PLPP4: variants seen among roughly 807,000 people sequenced by gnomAD.
PLPP4 encodes diacylglycerol pyrophosphate like 2.
A neutral mutation model predicts 32.2 loss-of-function variants in PLPP4; 20 were observed. The ratio of observed to expected loss-of-function variants is 0.62; its 90% CI spans 0.44 to 0.90. The LOEUF (loss-of-function observed/expected upper bound fraction) is 0.90, where lower values mean the gene tolerates loss of function less well. Ranked by LOEUF, PLPP4 falls within the 40% of genes least tolerant of loss-of-function variation. The probability of loss-of-function intolerance (pLI) is 0.00; values close to 1 mark genes in which losing one functional copy is unlikely to be tolerated. For synonymous variants in PLPP4, 127 were observed against 133.0 expected, an observed-to-expected ratio of 0.95 and a Z score of 0.31; for missense variants, 257 against 353.1, an observed-to-expected ratio of 0.73 and a Z score of 2.18.
At chr10:120,538,993 G>A (rs1302395644) in intron 5 of PLPP4, among the ~76,000 whole-genome samples, 2 of 152,206 alleles carry the variant, frequency 1.3e-5, no homozygotes, top group Non-Finnish European at 2.9e-5. Context: ...AGACTCCACA[G>A]GAGATATTGC....
intron 2 of PLPP4, among the ~76,000 whole-genome samples, chr10:120,506,107 A>C (rs1304164049): frequency 6.6e-6 from 1 of 152,232 alleles, no homozygotes; most frequent in Non-Finnish European, 1.5e-5. Flanking sequence ...TAGTCAGTAG[A>C]GGGCTTATTC....
Position 120,589,382 on chromosome 10 carries a change from A to G in PLPP4, c.696A>G (p.Thr232=), listed in dbSNP as rs1237097156. The change falls in exon 7 of 7, where the codon ACA becomes ACG. Residue 232 remains threonine (T), a synonymous_variant. Transcript: ENST00000398250. ...YRQHYPPLAN[T]ACHKPYVSLR... Reference sequence around the variant, plus strand: ...AGCACTATCCTCCTCTGGCCAACACAGCTTGCCATAAACCCTACGTTAGTC... The same window carrying G: ...AGCACTATCCTCCTCTGGCCAACACGGCTTGCCATAAACCCTACGTTAGTC... 1 of 1,614,122 alleles carries G rather than the reference A, an allele frequency of 6.2e-7. No homozygotes were observed. The highest frequency in any genetic ancestry group is 1.3e-5 in the African/African-American group (1 of 75,020).
At chr10:120,479,502 C>T (rs1226035922) in intron 1 of PLPP4, among the ~76,000 whole-genome samples, 1 of 152,140 alleles carries the variant, frequency 6.6e-6, no homozygotes, top group Non-Finnish European at 1.5e-5. Flanking sequence ...TGAAATGATG[C>T]TGTCCGTTAT....
rs545056609 is a variant in PLPP4 at position 120,510,341 on chromosome 10, T to C, written c.166-3570T>C. On this transcript the variant is annotated intron_variant, in intron 2 of 6. Transcript: ENST00000398250. ...TAATAAGCTCTGACCACTCCCCATC[T>C]TCCTACCCTGGGCTCATCCTAGGAT... Among the ~76,000 whole-genome samples, 11 of 152,292 alleles carry C rather than the reference T, an allele frequency of 7.2e-5. No homozygotes were observed. In the South Asian group the frequency reaches 2.1e-3, roughly 29 times the overall value.
chr10:120,521,732 C>T (rs1846165022), intron 5 of PLPP4, among the ~76,000 whole-genome samples: 1 of 152,164 alleles, frequency 6.6e-6, no homozygotes, highest in Non-Finnish European at 1.5e-5. Context: ...TGCTGTGTAA[C>T]ATGGGAATAA....
chr10:120,553,314 A>G (rs1847993723), intron 5 of PLPP4, among the ~76,000 whole-genome samples: 1 of 152,194 alleles, frequency 6.6e-6, no homozygotes, highest in Non-Finnish European at 1.5e-5. Context: ...ATAGGGCCTA[A>G]TGATAGGTCA....
intron 1 of PLPP4, among the ~76,000 whole-genome samples, chr10:120,473,699 C>A (rs1843765206): frequency 6.6e-6 from 1 of 152,056 alleles, no homozygotes; most frequent in African/African-American, 2.4e-5. Flanking sequence ...GTGAGACTTC[C>A]CCCTCGTTAT....
chr10:120,533,694 A>G (rs1289275123), intron 5 of PLPP4, among the ~76,000 whole-genome samples: 1 of 152,126 alleles, frequency 6.6e-6, no homozygotes, highest in Admixed American at 6.5e-5. Context: ...CAAACCCAAT[A>G]ATATGTTGTT....
intron 5 of PLPP4, among the ~76,000 whole-genome samples, chr10:120,552,067 A>C (rs1173918393): frequency 6.6e-6 from 1 of 151,984 alleles, no homozygotes; most frequent in African/African-American, 2.4e-5. Flanking sequence ...GCAGGAACTG[A>C]GTAAATATCT....
At chr10:120,510,352 G>A (rs1845675580) in intron 2 of PLPP4, among the ~76,000 whole-genome samples, 1 of 151,934 alleles carries the variant, frequency 6.6e-6, no homozygotes, top group Admixed American at 6.6e-5. Flanking sequence ...TCCTACCCTG[G>A]GCTCATCCTA....
At chr10:120,533,614 T>G (rs528612000) in intron 5 of PLPP4, among the ~76,000 whole-genome samples, 2 of 152,282 alleles carry the variant, frequency 1.3e-5, no homozygotes, top group South Asian at 4.1e-4. Flanking sequence ...ACATTTTTCC[T>G]ATATAGCTCT....
At position 120,465,524 on chromosome 10, in the gene PLPP4, G is replaced by A. The variant is rs541841296; in HGVS notation, c.56+8163G>A. Among the ~76,000 whole-genome samples, 17 of 152,314 alleles carry A rather than the reference G, an allele frequency of 1.1e-4. No individual in the cohort carries two copies. In the South Asian group the frequency reaches 3.5e-3, roughly 32 times the overall value. On this transcript the variant is annotated intron_variant, in intron 1 of 6. Coordinates refer to ENST00000398250, the MANE Select transcript of PLPP4 (RefSeq NM_001030059.3). ...AGAGGAGGCAGGAGCATTTAGGTTG[G>A]TTTCTAGAAAGGTAGCAGTCTGCCA...
chr10:120,539,792 T>A (rs1302218677), intron 5 of PLPP4, among the ~76,000 whole-genome samples: 1 of 152,302 alleles, frequency 6.6e-6, no homozygotes, highest in East Asian at 1.9e-4. Context: ...TGAGGAACTC[T>A]ATATAATTTT....
At position 120,582,001 on chromosome 10, in the gene PLPP4, T is replaced by TATAGACA. The variant is rs1490961717; in HGVS notation, c.616+6704_616+6710dup. On this transcript the variant is annotated intron_variant, in intron 6 of 6. Transcript: ENST00000398250. ...TTTGGCCGTAGTGCACAGAAGTGGC[T>TATAGACA]ATAGACAATATGTAAAGGAACGTGT... Among the ~76,000 whole-genome samples, 16 of 152,324 alleles carry TATAGACA rather than the reference T, an allele frequency of 1.1e-4. No homozygotes were observed. In the East Asian group the frequency reaches 2.1e-3, roughly 20 times the overall value.
intron 6 of PLPP4, among the ~76,000 whole-genome samples, chr10:120,584,475 C>G (rs1849662836): frequency 6.6e-6 from 1 of 152,194 alleles, no homozygotes; most frequent in African/African-American, 2.4e-5. Context: ...GATACGTATG[C>G]AGTGCATGTG....
chr10:120,492,610 C>T (rs554951347), intron 1 of PLPP4, among the ~76,000 whole-genome samples: 1 of 152,260 alleles, frequency 6.6e-6, no homozygotes, highest in East Asian at 1.9e-4. Context: ...GAAGAGGGCT[C>T]GGAGGGGACA....
At chr10:120,528,995 G>T (rs1341066752) in intron 5 of PLPP4, among the ~76,000 whole-genome samples, 5 of 149,986 alleles carry the variant, frequency 3.3e-5, no homozygotes, top group Admixed American at 2.6e-4. Flanking sequence ...TTTCCCTAAT[G>T]ATTTTTTCCC....
chr10:120,574,168 A>ACTCTCTCT (rs58917160), intron 5 of PLPP4, among the ~76,000 whole-genome samples: 4 of 47,122 alleles, frequency 8.5e-5, no homozygotes, highest in African/African-American at 1.7e-4. Context: ...ACACACACAC[A>ACTCTCTCT]CTCTCTCTCT....
At chr10:120,573,970 G>A (rs1728908062) in intron 5 of PLPP4, among the ~76,000 whole-genome samples, 1 of 152,002 alleles carries the variant, frequency 6.6e-6, no homozygotes, top group Admixed American at 6.6e-5. Context: ...GTCACTGTGT[G>A]GGCTGGTTAC....
Sources: allele counts gnomAD v4.1 joint callset (sites outside exome capture counted in the v4.1 genomes callset), GRCh38; gene constraint gnomAD v4.1.1; transcripts MANE v1.5; gene names NCBI Gene and HGNC (gene_info 2026-07-23, HGNC 2026-07-21).